DAZAP1: variants seen among roughly 807,000 people sequenced by gnomAD.
The protein encoded by DAZAP1 is DAZ-associated protein 1.
DAZAP1 carries 6 observed loss-of-function variants against 60.1 expected under a neutral mutation model. The ratio of observed to expected loss-of-function variants is 0.10; its 90% CI spans 0.05 to 0.20. DAZAP1 has a LOEUF of 0.20. DAZAP1 is among the 10% of genes least tolerant of loss of function. DAZAP1 has a pLI of 1.00. For missense variants in DAZAP1, 366 were observed against 560.4 expected, an observed-to-expected ratio of 0.65 and a Z score of 3.50; for synonymous variants, 235 against 215.9, an observed-to-expected ratio of 1.09 and a Z score of -0.78.
At position 1,423,037 on chromosome 19, in the gene DAZAP1, C is replaced by G. The variant is rs1377033661; in HGVS notation, c.463+641C>G. Among the ~76,000 whole-genome samples, 1 of 150,940 alleles carries G rather than the reference C, an allele frequency of 6.6e-6. No homozygotes were observed. The highest frequency in any genetic ancestry group is 1.5e-5 in the Non-Finnish European group (1 of 67,936). On this transcript the variant is annotated intron_variant, in intron 6 of 11. Transcript: ENST00000233078. The surrounding 1 kb of genome is among the most constrained non-coding windows in gnomAD (Gnocchi z 6.8). Reference sequence around the variant, plus strand: ...GCCCCTTTTCCGTGGCTGCTGCTGTCTGTCCCGCCCGCCCGCATGGTTTTG... The same window carrying G: ...GCCCCTTTTCCGTGGCTGCTGCTGTGTGTCCCGCCCGCCCGCATGGTTTTG...
Position 1,430,371 on chromosome 19 carries a change from A to AGGGGGCCTTGTGG in DAZAP1, c.871+11_871+23dup. On this transcript the variant is annotated intron_variant, in intron 10 of 11. Coordinates refer to ENST00000233078, the MANE Select transcript of DAZAP1 (RefSeq NM_018959.4). ...TGCCCCGCCACAGTTCAGTAAGTCT[A>AGGGGGCCTTGTGG]GGGGGCCTTGTGGGAGGGCCTCCCG... 6.7e-7 allele frequency: 1 copy of AGGGGGCCTTGTGG among 1,489,626 alleles called. No individual in the cohort carries two copies. Among genetic ancestry groups the AGGGGGCCTTGTGG allele is most frequent in the Non-Finnish European group, 8.9e-7 (1 of 1,123,512 alleles). The allele number at this position is 1,489,626 out of a possible 1,614,324, so 92.3% of individuals were successfully genotyped here.
chr19:1,429,146 C>T lies in DAZAP1; in HGVS notation c.700+151C>T, dbSNP rs992671289. ...GTGTCCTTGAGCCCCCGCGAGGTGC[C>T]GGCTGACAGCCAGCTCCCGGGCAGC... On this transcript the variant is annotated intron_variant, in intron 8 of 11. Coordinates refer to ENST00000233078, the MANE Select transcript of DAZAP1 (RefSeq NM_018959.4). 29 of 1,066,076 alleles carry T rather than the reference C, an allele frequency of 2.7e-5. No individual in the cohort carries two copies. In the South Asian group the frequency reaches 3.3e-4, roughly 12 times the overall value. The allele number at this position is 1,066,076 out of a possible 1,614,324, so 66.0% of individuals were successfully genotyped here. A position where few individuals can be genotyped will look rare whatever the true frequency, so the allele number is the denominator to read the frequency against.
chr19:1,430,678 C>G (rs922038685), intron 10 of DAZAP1, among the ~76,000 whole-genome samples: 5 of 151,644 alleles, frequency 3.3e-5, no homozygotes, highest in African/African-American at 1.2e-4. Flanking sequence ...CCTCATACTT[C>G]AGGATTAGGG....
In DAZAP1 at chr19:1,418,454, T is replaced by C. The variant is rs1049824893; in HGVS notation, c.237+84T>C. On this transcript the variant is annotated intron_variant, in intron 3 of 11. Transcript: ENST00000233078. The surrounding 1 kb of genome is among the most constrained non-coding windows in gnomAD (Gnocchi z 5.7). ...TCATTTTTTCCTGGACTCTGACCGA[T>C]GTTTGCGTTAGAGTATGTTTGAACG... is the stretch of plus-strand genomic sequence containing the variant. 3 of 1,536,352 alleles carry C rather than the reference T, an allele frequency of 2.0e-6. No homozygotes were observed. Among genetic ancestry groups the C allele is most frequent in the South Asian group, 2.3e-5 (2 of 87,262 alleles).
At position 1,434,475 on chromosome 19, in the gene DAZAP1, A is replaced by C; in HGVS notation, c.1049-262A>C. 9.5e-6 allele frequency: 4 copies of C among 422,438 alleles called. No individual in the cohort carries two copies. Among genetic ancestry groups the C allele is most frequent in the East Asian group, 4.8e-5 (1 of 21,052 alleles). 26.2% of individuals were successfully genotyped at this position (422,438 alleles called of 1,614,324 possible). ...CCACGTCTTCGGGATTGAACAGGGA[A>C]GCGGTGAGGTTACGTGGGCCATGGA... On this transcript the variant is annotated intron_variant, in intron 11 of 11. Transcript: ENST00000233078. This position sits in a 1 kb window ranked among gnomAD's most constrained non-coding sequence, Gnocchi z 8.0.
At position 1,433,425 on chromosome 19, in the gene DAZAP1, C is replaced by T. The variant is rs1312716917; in HGVS notation, c.1048+735C>T. ...TTTGAGAACATGGGGCACCTGTCTG[C>T]AGGTGGCCACGGGCTTCCGGGGTGC... On this transcript the variant is annotated intron_variant, in intron 11 of 11. Coordinates refer to ENST00000233078, the MANE Select transcript of DAZAP1 (RefSeq NM_018959.4). The surrounding 1 kb of genome is among the most constrained non-coding windows in gnomAD (Gnocchi z 6.1). 5.1e-6 allele frequency: 2 copies of T among 392,204 alleles called. No individual in the cohort carries two copies. Among genetic ancestry groups the T allele is most frequent in the South Asian group, 2.8e-5 (1 of 35,528 alleles). 24.3% of individuals were successfully genotyped at this position (392,204 alleles called of 1,614,324 possible). A position where few individuals can be genotyped will look rare whatever the true frequency, so the allele number is the denominator to read the frequency against.
Position 1,422,465 on chromosome 19 carries a change from C to T in DAZAP1, c.463+69C>T, listed in dbSNP as rs1368471199. The stretch of plus-strand genomic sequence containing the variant: ...CCCTCAGATGGCAAACTATCTCACC[C>T]GCCAGGCACACACAGGTGGCGGCTG... On this transcript the variant is annotated intron_variant, in intron 6 of 11. Transcript: ENST00000233078. This position sits in a 1 kb window ranked among gnomAD's most constrained non-coding sequence, Gnocchi z 4.5. The T allele has an allele frequency of 1.2e-5, 18 of 1,471,238 alleles. No homozygotes were observed. The highest frequency in any genetic ancestry group is 6.9e-5 in the East Asian group (3 of 43,432). The allele number at this position is 1,471,238 out of a possible 1,614,324, so 91.1% of individuals were successfully genotyped here. A position where few individuals can be genotyped will look rare whatever the true frequency, so the allele number is the denominator to read the frequency against.
intron 1 of DAZAP1, among the ~76,000 whole-genome samples, chr19:1,411,253 C>A (rs192142273): frequency 1.3e-5 from 2 of 152,348 alleles, no homozygotes; most frequent in East Asian, 3.9e-4. Context: ...TCTGTCAGCA[C>A]TCTGGCCTGG....
At chr19:1,412,025 C>G (rs184422573) in intron 1 of DAZAP1, among the ~76,000 whole-genome samples, 1 of 152,234 alleles carries the variant, frequency 6.6e-6, no homozygotes, top group Non-Finnish European at 1.5e-5. Context: ...CAGCTTGGCT[C>G]CAGGCGTTGC....
chr19:1,432,560 T>G lies in DAZAP1; in HGVS notation c.918T>G (p.Pro306=), dbSNP rs757434023. The G allele has an allele frequency of 6.2e-7, 1 of 1,613,550 alleles. No individual in the cohort carries two copies. Among genetic ancestry groups the G allele is most frequent in the Admixed American group, 1.7e-5 (1 of 60,006 alleles). Residue 306 remains proline (P), a synonymous_variant, in exon 11 of 12, where the codon CCT becomes CCG. Coordinates refer to ENST00000233078, the MANE Select transcript of DAZAP1 (RefSeq NM_018959.4). This position sits in a 1 kb window ranked among gnomAD's most constrained non-coding sequence, Gnocchi z 4.9. The part of the protein sequence containing the change: ...PPPPPPDQFA[P]PGVPPPPATP... ...CTCCACCGCCAGATCAGTTTGCCCC[T>G]CCGGGGGTTCCTCCTCCACCAGCCA...
rs375524037 is a variant in DAZAP1, at chr19:1,423,040, T to TCCCCC, written c.463+647_463+648insCCCCC. Among the ~76,000 whole-genome samples, 2 of 150,604 alleles carry TCCCCC rather than the reference T, an allele frequency of 1.3e-5. No individual in the cohort carries two copies. Among genetic ancestry groups the TCCCCC allele is most frequent in the African/African-American group, 2.4e-5 (1 of 41,326 alleles). On this transcript the variant is annotated intron_variant, in intron 6 of 11. Coordinates refer to ENST00000233078, the MANE Select transcript of DAZAP1 (RefSeq NM_018959.4). The surrounding 1 kb of genome is among the most constrained non-coding windows in gnomAD (Gnocchi z 6.8). ...CCTTTTCCGTGGCTGCTGCTGTCTG[T>TCCCCC]CCCGCCCGCCCGCATGGTTTTGGTT... is the stretch of plus-strand genomic sequence containing the variant.
Position 1,432,557 on chromosome 19 carries a change from C to T in DAZAP1, c.915C>T (p.Ala305=), listed in dbSNP as rs934537756. 1 of 1,613,716 alleles carries T rather than the reference C, an allele frequency of 6.2e-7. No homozygotes were observed. The highest frequency in any genetic ancestry group is 8.5e-7 in the Non-Finnish European group (1 of 1,180,002). The change falls in exon 11 of 12, where the codon GCC becomes GCT. Residue 305 remains alanine (A), a synonymous_variant. Transcript: ENST00000233078. This position sits in a 1 kb window ranked among gnomAD's most constrained non-coding sequence, Gnocchi z 4.9. ...GPPPPPPDQF[A]PPGVPPPPAT... is the part of the protein sequence containing the mutation. ...CACCTCCACCGCCAGATCAGTTTGCCCCTCCGGGGGTTCCTCCTCCACCAG... is the reference window on the plus strand; with the variant it reads ...CACCTCCACCGCCAGATCAGTTTGCTCCTCCGGGGGTTCCTCCTCCACCAG...
intron 1 of DAZAP1, among the ~76,000 whole-genome samples, chr19:1,413,740 A>T (rs1004467024): frequency 6.6e-6 from 1 of 152,186 alleles, no homozygotes; most frequent in African/African-American, 2.4e-5. Flanking sequence ...AGCTCCAGAC[A>T]CAGCTATGTG....
At chr19:1,410,995 T>C (rs1053612337) in intron 1 of DAZAP1, among the ~76,000 whole-genome samples, 2 of 152,180 alleles carry the variant, frequency 1.3e-5, no homozygotes, top group African/African-American at 4.8e-5. Flanking sequence ...TCTGGGTTTA[T>C]TGGGTGGCTG....
chr19:1,421,126 C>T (rs1600216036), intron 4 of DAZAP1, 22 bp from the exon 5 acceptor site: 1 of 1,610,304 alleles, frequency 6.2e-7, no homozygotes, highest in Non-Finnish European at 8.5e-7. Context: ...TGTGAACTAA[C>T]TATCCTTCCC....
chr19:1,425,479 C>T lies in DAZAP1; in HGVS notation c.464-399C>T, dbSNP rs896917953. ...AGGCGAGAGCCAGAATATTCAAGCA[C>T]GGGCCTCTGACCCTCCCCTGGGGGG... On this transcript the variant is annotated intron_variant, in intron 6 of 11. Coordinates refer to ENST00000233078, the MANE Select transcript of DAZAP1 (RefSeq NM_018959.4). The surrounding 1 kb of genome is among the most constrained non-coding windows in gnomAD (Gnocchi z 5.4). Among the ~76,000 whole-genome samples, 1 of 152,230 alleles carries T rather than the reference C, an allele frequency of 6.6e-6. No homozygotes were observed. Among genetic ancestry groups the T allele is most frequent in the Non-Finnish European group, 1.5e-5 (1 of 68,036 alleles).
At chr19:1,413,623 C>T (rs903923083) in intron 1 of DAZAP1, among the ~76,000 whole-genome samples, 4 of 152,170 alleles carry the variant, frequency 2.6e-5, no homozygotes, top group Non-Finnish European at 5.9e-5. Flanking sequence ...TTAGAAGCTG[C>T]TCTCAAATAT....
intron 8 of DAZAP1, 142 bp downstream of exon 8, chr19:1,429,137 G>T (rs1446667401): frequency 2.6e-6 from 3 of 1,142,976 alleles, no homozygotes; most frequent in East Asian, 3.0e-5. Flanking sequence ...TTGAGCCCCC[G>T]CGAGGTGCCG....
chr19:1,424,650 TCTC>T (rs1208030236), intron 6 of DAZAP1, among the ~76,000 whole-genome samples: 2 of 151,914 alleles, frequency 1.3e-5, no homozygotes, highest in Non-Finnish European at 2.9e-5. Flanking sequence ...CCACGGCCCT[TCTC>T]TGCCGCGCTC....
Sources: allele counts gnomAD v4.1 joint callset (sites outside exome capture counted in the v4.1 genomes callset), GRCh38; gene constraint gnomAD v4.1.1; non-coding constraint Gnocchi (gnomAD v3.1); transcripts MANE v1.5; gene names NCBI Gene and HGNC (gene_info 2026-07-23, HGNC 2026-07-21).